CPNE4: variants seen among roughly 807,000 people sequenced by gnomAD.
CPNE4 encodes the protein copine-4.
CPNE4 carries 25 observed loss-of-function variants against 67.9 expected under a neutral mutation model. The ratio of observed to expected loss-of-function variants is 0.37; its 90% CI spans 0.27 to 0.51. The LOEUF is 0.51. Ranked by LOEUF, CPNE4 falls within the 20% of genes least tolerant of loss-of-function variation. The pLI, the probability that CPNE4 is intolerant of heterozygous loss-of-function variation, is 0.93. For missense variants in CPNE4, 464 were observed against 690.8 expected, an observed-to-expected ratio of 0.67 and a Z score of 3.68; for synonymous variants, 242 against 244.9, an observed-to-expected ratio of 0.99 and a Z score of 0.11.
intron 1 of CPNE4, among the ~76,000 whole-genome samples, chr3:131,942,716 A>T (rs1048521981): frequency 6.6e-6 from 1 of 152,128 alleles, no homozygotes; most frequent in African/African-American, 2.4e-5. Context: ...TTATTTGAGT[A>T]AACTTGGTAA....
At chr3:131,880,276 C>T (rs2087623315) in intron 2 of CPNE4, among the ~76,000 whole-genome samples, 2 of 151,942 alleles carry the variant, frequency 1.3e-5, no homozygotes. Context: ...CGACCACGCC[C>T]GGCTAATTTT....
intron 1 of CPNE4, among the ~76,000 whole-genome samples, chr3:132,001,553 G>A (rs866996302): frequency 1.5e-4 from 15 of 101,786 alleles, no homozygotes; most frequent in Non-Finnish European, 3.0e-4. Context: ...AAAGAAAAAA[G>A]AGAAAGAAAG....
At chr3:131,949,173 A>G (rs568371425) in intron 1 of CPNE4, among the ~76,000 whole-genome samples, 56 of 152,208 alleles carry the variant, frequency 3.7e-4, no homozygotes, top group Non-Finnish European at 7.5e-4. Flanking sequence ...GCCCATCTCT[A>G]TGATTTGCAG....
At chr3:131,685,775 C>T in intron 6 of CPNE4, 100 bp downstream of exon 6, 1 of 751,094 alleles carries the variant, frequency 1.3e-6, no homozygotes, top group Non-Finnish European at 2.2e-6. Context: ...AGCGAGACTC[C>T]ACCTCAACAC....
intron 1 of CPNE4, among the ~76,000 whole-genome samples, chr3:131,977,925 T>C (rs112298965): frequency 0.074 from 11,173 of 150,286 alleles, 580 homozygotes; most frequent in South Asian, 0.15. Context: ...AGTGAGAACA[T>C]ACGATGTTTG....
intron 7 of CPNE4, among the ~76,000 whole-genome samples, chr3:131,595,157 G>A (rs1443242198): frequency 6.6e-6 from 1 of 152,116 alleles, no homozygotes; most frequent in Non-Finnish European, 1.5e-5. Context: ...ACAATATGGA[G>A]GTTCTTCAAA....
At chr3:131,562,138 T>C (rs1301131966) in intron 11 of CPNE4, among the ~76,000 whole-genome samples, 2 of 152,086 alleles carry the variant, frequency 1.3e-5, no homozygotes, top group Non-Finnish European at 2.9e-5. Context: ...TCTTATATCT[T>C]ATTTTTATAT....
chr3:131,767,986 T>C (rs1168101334), intron 2 of CPNE4, among the ~76,000 whole-genome samples: 5 of 152,120 alleles, frequency 3.3e-5, no homozygotes, highest in African/African-American at 7.2e-5. Flanking sequence ...AAGAGTAACA[T>C]AGAGATTATA....
intron 2 of CPNE4, among the ~76,000 whole-genome samples, chr3:131,822,285 C>CA (rs778003458): frequency 1.3e-5 from 2 of 152,038 alleles, no homozygotes; most frequent in East Asian, 1.9e-4. Context: ...GGTTCTTTGT[C>CA]AAAAAATCCC....
chr3:131,711,372 C>T (rs1289040888), intron 3 of CPNE4, among the ~76,000 whole-genome samples: 1 of 152,180 alleles, frequency 6.6e-6, no homozygotes, highest in Non-Finnish European at 1.5e-5. Context: ...AGCACATTCA[C>T]TGTAATACCA....
intron 11 of CPNE4, among the ~76,000 whole-genome samples, chr3:131,557,790 C>T (rs1225345155): frequency 6.6e-6 from 1 of 151,944 alleles, no homozygotes; most frequent in African/African-American, 2.4e-5. Context: ...ACAAAACAAG[C>T]ATGGGTAGGT....
At chr3:131,628,510 C>G (rs1411216318) in intron 7 of CPNE4, among the ~76,000 whole-genome samples, 1 of 152,382 alleles carries the variant, frequency 6.6e-6, no homozygotes, top group Non-Finnish European at 1.5e-5. Flanking sequence ...GAATTTGGCT[C>G]TGAATCTGTC....
intron 3 of CPNE4, among the ~76,000 whole-genome samples, chr3:131,711,718 C>A (rs1000391242): frequency 1.3e-5 from 2 of 152,136 alleles, no homozygotes; most frequent in African/African-American, 4.8e-5. Flanking sequence ...GTAAACCAAG[C>A]AGTTATTGTT....
chr3:131,536,725 CAT>C (rs1935166888), intron 15 of CPNE4, among the ~76,000 whole-genome samples: 2 of 152,194 alleles, frequency 1.3e-5, no homozygotes, highest in African/African-American at 4.8e-5. Flanking sequence ...TTGAAGATGT[CAT>C]AGCATGATGG....
chr3:131,756,766 C>T (rs545650279), intron 2 of CPNE4, among the ~76,000 whole-genome samples: 7 of 152,286 alleles, frequency 4.6e-5, no homozygotes, highest in East Asian at 3.9e-4. Flanking sequence ...GGCTGCACCT[C>T]GCCCAAATCT....
intron 1 of CPNE4, among the ~76,000 whole-genome samples, chr3:131,910,386 A>G (rs1157835389): frequency 2.0e-5 from 3 of 152,084 alleles, no homozygotes; most frequent in African/African-American, 7.2e-5. Flanking sequence ...CTTCAGGCTT[A>G]TGGGTTGTAA....
Position 131,854,644 on chromosome 3 carries a change from TCTA to T in CPNE4, c.180+50617_180+50619del, listed in dbSNP as rs527594630. ...TTTTCACTGTCATCCATGTAAGGCATCTACATTATCCATTCTATTACCAAAATA... is the reference window on the plus strand; with the variant it reads ...TTTTCACTGTCATCCATGTAAGGCATCATTATCCATTCTATTACCAAAATA... On this transcript the variant is annotated intron_variant, in intron 2 of 15. Coordinates refer to ENST00000429747, the MANE Select transcript of CPNE4 (RefSeq NM_130808.3). 4.2e-4 allele frequency among the ~76,000 whole-genome samples: 64 copies of T among 152,022 alleles called. No individual in the cohort carries two copies. In the South Asian group the frequency reaches 0.013, roughly 31 times the overall value.
At chr3:131,739,321 A>C (rs1037891699) in intron 2 of CPNE4, among the ~76,000 whole-genome samples, 2 of 152,116 alleles carry the variant, frequency 1.3e-5, no homozygotes, top group African/African-American at 4.8e-5. Context: ...CTGAAGTTAA[A>C]CTGTCAATCC....
At chr3:131,737,067 C>T (rs1229214629) in intron 2 of CPNE4, among the ~76,000 whole-genome samples, 1 of 149,738 alleles carries the variant, frequency 6.7e-6, no homozygotes, top group Non-Finnish European at 1.5e-5. Context: ...ATTTCTGCTT[C>T]CCCTGTCTTT....
Sources: allele counts gnomAD v4.1 joint callset (sites outside exome capture counted in the v4.1 genomes callset), GRCh38; gene constraint gnomAD v4.1.1; transcripts MANE v1.5; gene names NCBI Gene and HGNC (gene_info 2026-07-23, HGNC 2026-07-21).